DOCK3: variants seen among roughly 807,000 people sequenced by gnomAD.
The protein encoded by DOCK3 is dedicator of cytokinesis 3, also known as dedicator of cytokinesis protein 3.
DOCK3 carries 60 observed loss-of-function variants against 265.6 expected under a neutral mutation model. That is an observed-to-expected ratio of 0.23 (90% CI 0.18 to 0.28). The LOEUF is 0.28. DOCK3 is among the 10% of genes least tolerant of loss of function. The probability of loss-of-function intolerance (pLI) is 1.00; values close to 1 mark genes in which losing one functional copy is unlikely to be tolerated. For synonymous variants in DOCK3, 881 were observed against 938.0 expected (o/e 0.94, Z 1.11); for missense variants, 1,981 against 2,594.3 (o/e 0.76, Z 5.14).
intron 9 of DOCK3, among the ~76,000 whole-genome samples, chr3:51,130,421 G>A (rs1166572374): frequency 2.0e-5 from 3 of 152,228 alleles, no homozygotes; most frequent in African/African-American, 7.2e-5. Context: ...TGGAGGAAAA[G>A]GCATTTGCAG....
intron 21 of DOCK3, among the ~76,000 whole-genome samples, chr3:51,239,251 C>A (rs1462974050): frequency 8.3e-6 from 1 of 121,172 alleles, no homozygotes; most frequent in African/African-American, 2.9e-5. Context: ...ACTCTGTCAC[C>A]TAGGATGGAG....
chr3:51,105,161 G>A (rs1319811262), intron 9 of DOCK3, among the ~76,000 whole-genome samples: 19 of 152,192 alleles, frequency 1.2e-4, no homozygotes, highest in Admixed American at 1.2e-3. Context: ...GGTGAAATCA[G>A]AGATGAGGGA....
At position 51,228,647 on chromosome 3, in the gene DOCK3, A is replaced by G. The variant is rs536234388; in HGVS notation, c.1648-14A>G. On this transcript the variant is annotated splice_polypyrimidine_tract_variant and intron_variant, in intron 17 of 52. Coordinates refer to ENST00000266037, the MANE Select transcript of DOCK3 (RefSeq NM_004947.5). Reference sequence around the variant, plus strand: ...TGGCTCAGGGGACATTTTTTTCTCCATTTTTGCCTACAGTGTGATGAGAAT... The same window carrying G: ...TGGCTCAGGGGACATTTTTTTCTCCGTTTTTGCCTACAGTGTGATGAGAAT... The G allele has an allele frequency of 1.6e-5, 25 of 1,602,288 alleles. No homozygotes were observed. In the South Asian group the frequency reaches 2.7e-4, roughly 17 times the overall value.
intron 2 of DOCK3, among the ~76,000 whole-genome samples, chr3:50,823,790 G>A (rs1019936522): frequency 6.6e-5 from 10 of 150,930 alleles, no homozygotes; most frequent in African/African-American, 9.9e-5. Flanking sequence ...TGGCCGGGCC[G>A]GGGGGCTGAC....
At chr3:51,287,148 AAGACATGAAC>A (rs1403896931) in intron 27 of DOCK3, among the ~76,000 whole-genome samples, 1 of 152,212 alleles carries the variant, frequency 6.6e-6, no homozygotes, top group African/African-American at 2.4e-5. Flanking sequence ...AAGTGGGCAA[AAGACATGAAC>A]AGACACTTTT....
intron 1 of DOCK3, among the ~76,000 whole-genome samples, chr3:50,739,022 T>G (rs968532053): frequency 1.3e-4 from 20 of 152,198 alleles, no homozygotes; most frequent in Admixed American, 6.5e-4. Flanking sequence ...GTGCTCTGAT[T>G]ACTGTACTAA....
chr3:51,317,156 A>C (rs193281785), intron 32 of DOCK3, among the ~76,000 whole-genome samples: 9 of 152,058 alleles, frequency 5.9e-5, no homozygotes, highest in Non-Finnish European at 4.4e-5. Flanking sequence ...AGGATGGATC[A>C]GGTTCTTTTT....
chr3:51,364,661 T>C (rs866376228), intron 49 of DOCK3, among the ~76,000 whole-genome samples: 3 of 152,252 alleles, frequency 2.0e-5, no homozygotes, highest in Non-Finnish European at 4.4e-5. Flanking sequence ...AATTTTTGTA[T>C]GAGGTGTAAG....
intron 1 of DOCK3, among the ~76,000 whole-genome samples, chr3:50,734,448 G>A (rs2038433066): frequency 6.6e-6 from 1 of 152,070 alleles, no homozygotes; most frequent in African/African-American, 2.4e-5. Context: ...GCTGTAGTGA[G>A]CCATGATTGT....
intron 51 of DOCK3, among the ~76,000 whole-genome samples, chr3:51,377,413 G>A (rs568427015): frequency 4.1e-4 from 62 of 152,342 alleles, no homozygotes; most frequent in Middle Eastern, 3.4e-3. Flanking sequence ...TGAGTCCCAT[G>A]AGGACTACAT....
At chr3:50,787,728 A>G in intron 2 of DOCK3, 1 of 1,241,334 alleles carries the variant, frequency 8.1e-7, no homozygotes. Context: ...TTCTTTCTGT[A>G]ACGCTGACTT....
chr3:51,093,137 G>T (rs888548225), intron 9 of DOCK3, among the ~76,000 whole-genome samples: 1 of 152,108 alleles, frequency 6.6e-6, no homozygotes, highest in East Asian at 1.9e-4. Context: ...GGTTCTTTTT[G>T]CTTAGGATTG....
chr3:51,145,622 A>G (rs1015414072), intron 9 of DOCK3, among the ~76,000 whole-genome samples: 1 of 152,132 alleles, frequency 6.6e-6, no homozygotes, highest in Non-Finnish European at 1.5e-5. Flanking sequence ...TTTTTAGCTC[A>G]TCAGCTACCA....
intron 4 of DOCK3, among the ~76,000 whole-genome samples, chr3:50,930,824 G>A (rs1312483050): frequency 1.3e-5 from 2 of 152,242 alleles, no homozygotes; most frequent in South Asian, 2.1e-4. Flanking sequence ...AGTGCTGTCT[G>A]TGGGGTGGGC....
chr3:51,165,840 CATT>C (rs2086376196), intron 12 of DOCK3, among the ~76,000 whole-genome samples: 1 of 151,144 alleles, frequency 6.6e-6, no homozygotes, highest in African/African-American at 2.4e-5. Context: ...AATTCTATAC[CATT>C]ATTTATTATA....
At chr3:50,849,346 A>G (rs2107357703) in intron 3 of DOCK3, among the ~76,000 whole-genome samples, 1 of 152,140 alleles carries the variant, frequency 6.6e-6, no homozygotes, top group East Asian at 1.9e-4. Context: ...AAAAATATAC[A>G]TATATACACA....
At chr3:50,862,513 A>T (rs1323452513) in intron 3 of DOCK3, among the ~76,000 whole-genome samples, 1 of 123,668 alleles carries the variant, frequency 8.1e-6, no homozygotes, top group African/African-American at 2.7e-5. Context: ...GAGTGTGCTT[A>T]AGTTCTTAGG....
chr3:51,277,440 G>T (rs1358228193), intron 25 of DOCK3, among the ~76,000 whole-genome samples, 168 bp from the exon 26 acceptor site: 1 of 152,200 alleles, frequency 6.6e-6, no homozygotes, highest in Non-Finnish European at 1.5e-5. Context: ...CTCACCTCCT[G>T]TCAAAGCCAT....
intron 5 of DOCK3, among the ~76,000 whole-genome samples, chr3:51,061,776 T>A (rs1303055147): frequency 6.6e-6 from 1 of 152,150 alleles, no homozygotes; most frequent in African/African-American, 2.4e-5. Context: ...CATACTCTCC[T>A]GCTTTTCCTC....
Sources: allele counts gnomAD v4.1 joint callset (sites outside exome capture counted in the v4.1 genomes callset), GRCh38; gene constraint gnomAD v4.1.1; transcripts MANE v1.5; gene names NCBI Gene and HGNC (gene_info 2026-07-23, HGNC 2026-07-21).